Variants in INSL6 observed in about 807,000 individuals in gnomAD.
INSL6 encodes the protein insulin like 6.
A neutral mutation model predicts 9.4 loss-of-function variants in INSL6; 16 were observed. That is an observed-to-expected ratio of 1.70 (90% CI 1.15 to 2.59). INSL6 has a LOEUF of 2.59. Among genes scored for constraint, INSL6 ranks in the 30% most tolerant of loss-of-function variants. The pLI is 0.00. For synonymous variants in INSL6, 154 were observed against 96.9 expected (o/e 1.59, Z -3.46); for missense variants, 391 against 257.3 (o/e 1.52, Z -3.56).
the INSL6 span, chr9:5,089,898 G>A: frequency 1.4e-6 from 2 of 1,390,356 alleles, no homozygotes; most frequent in Admixed American, 5.3e-5. Context: ...TTAAATTCAA[G>A]GTATGTGTTT....
intron 1 of INSL6, among the ~76,000 whole-genome samples, chr9:5,171,140 G>C (rs939398313): frequency 6.6e-6 from 1 of 152,146 alleles, no homozygotes; most frequent in African/African-American, 2.4e-5. Flanking sequence ...TATCTGCCAC[G>C]ATCAAGTTGG....
At chr9:5,073,953 G>T in the INSL6 span, among the ~76,000 whole-genome samples, 3 of 152,096 alleles carry the variant, frequency 2.0e-5, no homozygotes, top group Non-Finnish European at 2.9e-5. Context: ...GTTATATCTT[G>T]TGAAAAAGGA....
the INSL6 span, among the ~76,000 whole-genome samples, chr9:5,009,579 C>G: frequency 6.6e-6 from 1 of 152,122 alleles, no homozygotes; most frequent in Non-Finnish European, 1.5e-5. Flanking sequence ...CCTGCATTAT[C>G]TGTTTCTTCT....
intron 2 of INSL6, among the ~76,000 whole-genome samples, chr9:5,136,505 A>C (rs1339889027): frequency 6.6e-6 from 1 of 152,196 alleles, no homozygotes; most frequent in African/African-American, 2.4e-5. Flanking sequence ...CATAAACAGA[A>C]ACAATGAGAA....
the INSL6 span, among the ~76,000 whole-genome samples, chr9:5,071,182 A>C: frequency 1.3e-5 from 2 of 152,196 alleles, no homozygotes; most frequent in African/African-American, 4.8e-5. Context: ...GGTGCTTGGA[A>C]GAAACAAAAA....
chr9:5,064,925 T>C, the INSL6 span: 11 of 1,599,220 alleles, frequency 6.9e-6, no homozygotes, highest in Non-Finnish European at 9.4e-6. Flanking sequence ...GTCTTTCGTG[T>C]CATTAATTGA....
At chr9:5,070,064 G>C in the INSL6 span, 1 of 1,584,590 alleles carries the variant, frequency 6.3e-7, no homozygotes, top group South Asian at 1.1e-5. Context: ...TAAGTCATTA[G>C]ATACTCATTA....
the INSL6 span, chr9:5,097,451 A>G: frequency 6.6e-6 from 1 of 152,152 alleles, no homozygotes; most frequent in African/African-American, 2.4e-5. Context: ...GGAAAAAAGG[A>G]GCCATTTGGG....
chr9:5,021,463 C>G, the INSL6 span, among the ~76,000 whole-genome samples: 1 of 152,104 alleles, frequency 6.6e-6, no homozygotes, highest in Non-Finnish European at 1.5e-5. Context: ...AATCTTTGTC[C>G]ACAGGAAGTT....
chr9:5,078,187 C>A, the INSL6 span: 11 of 785,222 alleles, frequency 1.4e-5, no homozygotes, highest in African/African-American at 8.9e-5. Context: ...TGCATGCCTC[C>A]AAATTATTAT....
the INSL6 span, among the ~76,000 whole-genome samples, chr9:5,042,867 G>C: frequency 1.3e-5 from 2 of 152,250 alleles, no homozygotes; most frequent in Non-Finnish European, 2.9e-5. Context: ...GGTCGCCACA[G>C]GCACGGCCAC....
the INSL6 span, chr9:5,080,505 T>G: frequency 4.2e-5 from 65 of 1,564,596 alleles, no homozygotes; most frequent in East Asian, 1.4e-3. Flanking sequence ...ACACAATTTA[T>G]TCTCAGTTTG....
the INSL6 span, among the ~76,000 whole-genome samples, chr9:5,026,645 G>T: frequency 6.6e-6 from 1 of 152,176 alleles, no homozygotes; most frequent in Non-Finnish European, 1.5e-5. Flanking sequence ...AACATGGTAT[G>T]AATGGTTATT....
intron 2 of INSL6, among the ~76,000 whole-genome samples, chr9:5,150,222 G>A (rs1366772158): frequency 6.6e-6 from 1 of 151,580 alleles, no homozygotes; most frequent in African/African-American, 2.4e-5. Flanking sequence ...GAAAGCAAAT[G>A]CAGCAGAAAC....
At chr9:5,010,009 C>A in the INSL6 span, among the ~76,000 whole-genome samples, 1 of 152,156 alleles carries the variant, frequency 6.6e-6, no homozygotes. Flanking sequence ...CAGGCTCAAA[C>A]GATCCTCTCG....
chr9:5,124,632 G>A lies in INSL6; in HGVS notation c.*11-121C>T, dbSNP rs139929414. Among the ~76,000 whole-genome samples the A allele has an allele frequency of 5.6e-3, 856 of 151,944 alleles. 9 individuals carry two copies. The highest frequency in any genetic ancestry group is 0.02 in the African/African-American group (818 of 41,530). On this transcript the variant is annotated intron_variant, in intron 3 of 3. Coordinates refer to the INSL6 transcript ENST00000649639. ...CTAAGCAAAAAGAACAAAGCTGGAA[G>A]CATCACATTACTTGACCTCAAATTA...
chr9:5,015,797 C>G, the INSL6 span, among the ~76,000 whole-genome samples: 1 of 152,018 alleles, frequency 6.6e-6, no homozygotes, highest in Non-Finnish European at 1.5e-5. Context: ...TACTGAGTGC[C>G]TATGGAATTC....
the INSL6 span, among the ~76,000 whole-genome samples, chr9:5,075,469 C>T: frequency 6.6e-6 from 1 of 152,174 alleles, no homozygotes; most frequent in African/African-American, 2.4e-5. Flanking sequence ...ATTTACCATT[C>T]CAAAAATCCC....
At chr9:5,137,450 C>G (rs542032622) in intron 2 of INSL6, among the ~76,000 whole-genome samples, 1 of 152,250 alleles carries the variant, frequency 6.6e-6, no homozygotes, top group African/African-American at 2.4e-5. Context: ...GAACAGAGGC[C>G]TCACAAATAA....
Sources: gnomAD v4.1 joint callset for allele counts (sites outside exome capture counted in the v4.1 genomes callset) on GRCh38, gnomAD v4.1.1 for gene constraint, MANE v1.5 for transcripts, NCBI Gene and HGNC (gene_info 2026-07-23, HGNC 2026-07-21) for gene names.